Variants in CCNL1 observed in about 807,000 individuals in gnomAD.
The protein encoded by CCNL1 is cyclin L1, also known as cyclin-L1.
A neutral mutation model predicts 60.6 loss-of-function variants in CCNL1; 13 were observed. The observed-to-expected ratio is 0.21, with a 90% CI of 0.14 to 0.34. The LOEUF (loss-of-function observed/expected upper bound fraction) is 0.34. CCNL1 is among the 10% of genes least tolerant of loss of function. The pLI is 1.00. For missense variants in CCNL1, 481 were observed against 664.3 expected (o/e 0.72, Z 3.03); for synonymous variants, 270 against 244.3 (o/e 1.10, Z -0.98).
Position 157,160,070 on chromosome 3 carries a change from C to G in CCNL1, c.25G>C (p.Ala9Pro). The G allele has an allele frequency of 6.4e-7, 1 of 1,556,224 alleles. No homozygotes were observed. Among genetic ancestry groups the G allele is most frequent in the Non-Finnish European group, 8.7e-7 (1 of 1,150,642 alleles). ...GATGAGGCGGCTGCGGCAGCAGTAG[C>G]TGTCGAATGAGGCCCGGACGCCATA... MASGPHSTATAAAAASSAA... is the reference protein window; with the variant it reads MASGPHSTPTAAAAASSAA... Residue 9 changes from alanine (A) to proline (P), a missense_variant, in exon 1 of 11, where the codon GCT (alanine) becomes CCT (proline). Ala to Pro is a conservative substitution (Grantham distance 27). Coordinates refer to ENST00000295926, the MANE Select transcript of CCNL1 (RefSeq NM_020307.4).
chr3:157,152,515 G>T, intron 4 of CCNL1: 1 of 1,125,154 alleles, frequency 8.9e-7, no homozygotes, highest in East Asian at 6.4e-5. Context: ...TGGGCACCGT[G>T]CTAGATTATT....
At chr3:157,144,888 GA>G (rs1461090283), downstream of CCNL1, among the ~76,000 whole-genome samples, 18 of 152,160 alleles carry the variant, frequency 1.2e-4, no homozygotes, top group Non-Finnish European at 7.4e-5. Flanking sequence ...ATTATTTTTG[GA>G]AACTCTCATG....
At chr3:157,144,712 T>A (rs138024162), downstream of CCNL1, among the ~76,000 whole-genome samples, 24 of 152,334 alleles carry the variant, frequency 1.6e-4, no homozygotes, top group African/African-American at 5.5e-4. Context: ...GCACATTCTG[T>A]CTCTCCAAAC....
Position 157,147,630 on chromosome 3 carries a change from A to G in CCNL1, c.*611T>C. 1 of 985,292 alleles carries G rather than the reference A, an allele frequency of 1.0e-6. No individual in the cohort carries two copies. Among genetic ancestry groups the G allele is most frequent in the Non-Finnish European group, 1.2e-6 (1 of 829,778 alleles). The allele number at this position is 985,292 out of a possible 1,614,324, so 61.0% of individuals were successfully genotyped here. A position where few individuals can be genotyped will look rare whatever the true frequency, so the allele number is the denominator to read the frequency against. ...TCCCATTTACTTTTTCCATATATAC[A>G]GTGAAGACTTACAATAGCTCACAAT... is the stretch of plus-strand genomic sequence containing the variant. On this transcript the variant is annotated 3_prime_UTR_variant, in exon 11 of 11. Transcript: ENST00000295926.
At chr3:157,149,812 A>G (rs1275757013) in intron 8 of CCNL1, 24 bp downstream of exon 8, 5 of 1,602,970 alleles carry the variant, frequency 3.1e-6, no homozygotes, top group Non-Finnish European at 4.2e-6. Context: ...CCCCCAAGTC[A>G]TTTTAATTCT....
downstream of CCNL1, chr3:157,146,442 C>A: frequency 2.4e-6 from 1 of 417,730 alleles, no homozygotes. Flanking sequence ...AACTCCCCAT[C>A]TTCACAAACA....
downstream of CCNL1, among the ~76,000 whole-genome samples, chr3:157,143,480 A>G (rs1737701959): frequency 6.6e-6 from 1 of 152,220 alleles, no homozygotes; most frequent in Non-Finnish European, 1.5e-5. Context: ...TCCTCAAGTA[A>G]TATTTATTAC....
At chr3:157,143,124 C>T (rs532568739), downstream of CCNL1, among the ~76,000 whole-genome samples, 118 of 152,266 alleles carry the variant, frequency 7.7e-4, 1 homozygote, top group Non-Finnish European at 1.4e-3. Context: ...GCCACAGTGC[C>T]CAGCCGTATT....
chr3:157,148,365 T>C lies in CCNL1; in HGVS notation c.1457A>G (p.Lys486Arg). The change falls in exon 11 of 11, where the codon AAG becomes AGG. Residue 486 changes from lysine (K) to arginine (R), a missense_variant. Coordinates refer to ENST00000295926, the MANE Select transcript of CCNL1 (RefSeq NM_020307.4). ...SKSRDHSDAAKKHRHERGHHR... is the reference protein window; with the variant it reads ...SKSRDHSDAARKHRHERGHHR... ...ATGTCCCCTTTCATGCCTGTGTTTC[T>C]TGGCTGCATCTGAGTGATCCCGAGA... is the stretch of plus-strand genomic sequence containing the variant. 4 of 1,614,238 alleles carry C rather than the reference T, an allele frequency of 2.5e-6. No individual in the cohort carries two copies. Among genetic ancestry groups the C allele is most frequent in the Non-Finnish European group, 3.4e-6 (4 of 1,180,036 alleles).
At chr3:157,152,335 A>G in intron 4 of CCNL1, 94 bp from the exon 5 acceptor site, 2 of 1,540,072 alleles carry the variant, frequency 1.3e-6, no homozygotes, top group Non-Finnish European at 1.7e-6. Context: ...GTTAGACTCA[A>G]GTTCTAATTG....
chr3:157,151,930 C>A (rs1257578657), intron 5 of CCNL1: 1 of 1,289,336 alleles, frequency 7.8e-7, no homozygotes, highest in Non-Finnish European at 9.9e-7. Flanking sequence ...CATGGACTAC[C>A]CTTTAATTAA....
In CCNL1 at chr3:157,151,607, T is replaced by G. The variant is rs560731229; in HGVS notation, c.674+570A>C. The G allele has an allele frequency of 1.2e-3, 1,190 of 987,438 alleles. 2 individuals are homozygous for G. Among genetic ancestry groups the G allele is most frequent in the Non-Finnish European group, 1.4e-3 (1,122 of 831,072 alleles). The allele number at this position is 987,438 out of a possible 1,614,324, so 61.2% of individuals were successfully genotyped here. On this transcript the variant is annotated intron_variant, in intron 5 of 10. Coordinates refer to ENST00000295926, the MANE Select transcript of CCNL1 (RefSeq NM_020307.4). ...GCTATACACACTAAAAATAAAAATTTAGTCAAACTCCTAATAAACCATTTA... is the reference window on the plus strand; with the variant it reads ...GCTATACACACTAAAAATAAAAATTGAGTCAAACTCCTAATAAACCATTTA...
At position 157,148,178 on chromosome 3, in the gene CCNL1, T is replaced by TC; in HGVS notation, c.*62dup. ...TTTGCGTTTAATGTTTTTGATTGAG[T>TC]CCATACATCACACTGTAGATAGGCA... On this transcript the variant is annotated 3_prime_UTR_variant, in exon 11 of 11. Transcript: ENST00000295926. The TC allele has an allele frequency of 6.5e-7, 1 of 1,543,626 alleles. No homozygotes were observed. The highest frequency in any genetic ancestry group is 8.7e-7 in the Non-Finnish European group (1 of 1,148,558).
At chr3:157,151,396 C>T (rs1170357792) in intron 5 of CCNL1, 6 of 985,734 alleles carry the variant, frequency 6.1e-6, no homozygotes, top group Admixed American at 6.1e-5. Flanking sequence ...ACATCTGCAT[C>T]TCAAGAAGTC....
chr3:157,159,595 C>A lies in CCNL1; in HGVS notation c.304-116G>T, dbSNP rs1037146483. ...TCCCCTCCCGCCGCCGCCGCCGCTG[C>A]GAACAGCCCGCTGCCAAGTCCTCCC... On this transcript the variant is annotated intron_variant, in intron 1 of 10. Coordinates refer to ENST00000295926, the MANE Select transcript of CCNL1 (RefSeq NM_020307.4). 4 of 1,082,642 alleles carry A rather than the reference C, an allele frequency of 3.7e-6. No individual in the cohort carries two copies. The African/African-American group carries it at 4.9e-5, about 13-fold the overall frequency. 67.1% of individuals were successfully genotyped at this position (1,082,642 alleles called of 1,614,324 possible).
chr3:157,151,066 C>T (rs1738155651), intron 5 of CCNL1: 1 of 984,588 alleles, frequency 1.0e-6, no homozygotes, highest in South Asian at 4.7e-5. Flanking sequence ...TTTTACAGAT[C>T]ATTTAAAAGG....
downstream of CCNL1, among the ~76,000 whole-genome samples, chr3:157,145,766 C>T (rs1015211640): frequency 3.9e-5 from 6 of 152,134 alleles, no homozygotes; most frequent in Non-Finnish European, 8.8e-5. Context: ...GCCTCAAGAT[C>T]TACCACTTTA....
chr3:157,154,160 A>G (rs971133149), intron 3 of CCNL1: 1 of 152,230 alleles, frequency 6.6e-6, no homozygotes, highest in African/African-American at 2.4e-5. Context: ...GTTTTATTAC[A>G]TAGTTTAAAA....
chr3:157,154,547 C>A (rs1320751392), intron 3 of CCNL1: 4 of 152,140 alleles, frequency 2.6e-5, no homozygotes, highest in African/African-American at 4.8e-5. Context: ...AAACAAAAAT[C>A]TATTTCAATA....
Sources: gnomAD v4.1 joint callset for allele counts (sites outside exome capture counted in the v4.1 genomes callset) on GRCh38, gnomAD v4.1.1 for gene constraint, MANE v1.5 for transcripts, NCBI Gene and HGNC (gene_info 2026-07-23, HGNC 2026-07-21) for gene names.